The following GJA8 variants were observed in gnomAD, a reference collection of about 807,000 sequenced individuals.
GJA8 encodes the protein gap junction alpha-8 protein.
Under a neutral mutation model 15.3 loss-of-function variants are expected in GJA8, and 13 were observed. The ratio of observed to expected loss-of-function variants is 0.85; its 90% CI spans 0.55 to 1.35. The LOEUF is 1.35. GJA8 is among the 40% of genes most tolerant of loss of function. The pLI is 0.00. For synonymous variants in GJA8, 304 were observed against 238.7 expected (o/e 1.27, Z -2.52); for missense variants, 607 against 553.3 (o/e 1.10, Z -0.97).
At chr1:147,910,328 G>T (rs1031522592), downstream of GJA8, among the ~76,000 whole-genome samples, 2 of 151,706 alleles carry the variant, frequency 1.3e-5, no homozygotes, top group Non-Finnish European at 1.5e-5. Context: ...TATGGAATCG[G>T]TCTTATTATT....
At chr1:147,913,948 A>G (rs1265548715), downstream of GJA8, among the ~76,000 whole-genome samples, 2 of 152,236 alleles carry the variant, frequency 1.3e-5, no homozygotes, top group African/African-American at 4.8e-5. Context: ...TTATTGTATT[A>G]TAACTAAATA....
At chr1:147,905,972 T>C (rs1175126597) in intron 1 of GJA8, among the ~76,000 whole-genome samples, 1 of 152,238 alleles carries the variant, frequency 6.6e-6, no homozygotes, top group Admixed American at 6.5e-5. Flanking sequence ...GAGCACTCTC[T>C]GCTCTCCCAC....
At chr1:147,903,563 A>G (rs9437983) in intron 1 of GJA8, among the ~76,000 whole-genome samples, 45,598 of 152,096 alleles carry the variant, frequency 0.3, 7,076 homozygotes, top group Admixed American at 0.4. Flanking sequence ...GCTTAGATCT[A>G]GAAGACCAGG....
chr1:147,911,658 CAG>C (rs1264924679), downstream of GJA8, among the ~76,000 whole-genome samples: 1 of 152,202 alleles, frequency 6.6e-6, no homozygotes, highest in African/African-American at 2.4e-5. Flanking sequence ...GCCTGAGAAC[CAG>C]AGAGTGCATC....
chr1:147,902,903 C>A (rs72702364), intron 1 of GJA8, among the ~76,000 whole-genome samples, 42 bp downstream of exon 1: 43 of 152,292 alleles, frequency 2.8e-4, no homozygotes, highest in Middle Eastern at 3.4e-3. Context: ...ACCTTCCCCC[C>A]AATTGTTCTT....
chr1:147,908,257 G>C lies in GJA8; in HGVS notation c.302G>C (p.Arg101Pro), dbSNP rs781949456. 7 of 1,614,176 alleles carry C rather than the reference G, an allele frequency of 4.3e-6. No homozygotes were observed. The Admixed American group carries it at 1.0e-4, about 23-fold the overall frequency. ...GTGGGGCACGCGGTGCACTACGTCC[G>C]CATGGAGGAGAAGCGCAAAAGCCGC... ...MYVGHAVHYV[R>P]MEEKRKSREA... Residue 101 changes from arginine (R) to proline (P), a missense_variant, in exon 2 of 2, where the codon CGC becomes CCC. By Grantham distance (103) the Arg-to-Pro change is moderately radical. Transcript: ENST00000369235.
Position 147,908,975 on chromosome 1 carries a change from G to A in GJA8, c.1020G>A (p.Glu340=), listed in dbSNP as rs782157895. 4 of 1,600,282 alleles carry A rather than the reference G, an allele frequency of 2.5e-6. No homozygotes were observed. The highest frequency in any genetic ancestry group is 3.4e-6 in the Non-Finnish European group (4 of 1,172,184). The change falls in exon 2 of 2, where the codon GAG becomes GAA. Residue 340 remains glutamate, a synonymous_variant. Coordinates refer to ENST00000369235, the MANE Select transcript of GJA8 (RefSeq NM_005267.5). ...AGGGCGAGGGGCCGCCTGCAGAGGA[G>A]GGAGCCGAACCCGAGGTGGGAGAGA... is the stretch of plus-strand genomic sequence containing the variant. The part of the protein sequence containing the change: ...EVEGEGPPAE[E]GAEPEVGEKK...
Position 147,908,509 on chromosome 1 carries a change from G to T in GJA8, c.554G>T (p.Arg185Leu). ...FRILPLYRCS[R>L]WPCPNVVDCF... ...ATCCTGCCTCTGTACCGCTGCAGCC[G>T]GTGGCCCTGCCCCAATGTGGTGGAC... The change falls in exon 2 of 2, where the codon CGG (arginine) becomes CTG (leucine). Residue 185 changes from arginine to leucine, a missense_variant. Physicochemically the swap from Arg to Leu is moderately radical, Grantham distance 102 (BLOSUM62 -2). Transcript: ENST00000369235. The T allele has an allele frequency of 2.5e-6, 4 of 1,614,112 alleles. No individual in the cohort carries two copies. The highest frequency in any genetic ancestry group is 1.1e-5 in the South Asian group (1 of 91,078).
intron 1 of GJA8, among the ~76,000 whole-genome samples, chr1:147,907,040 C>T (rs782747996): frequency 6.6e-6 from 1 of 152,002 alleles, no homozygotes; most frequent in African/African-American, 2.4e-5. Flanking sequence ...CATGCACCAC[C>T]GAGCCCAGCT....
downstream of GJA8, among the ~76,000 whole-genome samples, chr1:147,911,220 A>G (rs1190319351): frequency 3.3e-5 from 5 of 152,208 alleles, no homozygotes; most frequent in Non-Finnish European, 5.9e-5. Flanking sequence ...CCCGATCAGC[A>G]TCATCTCAAA....
downstream of GJA8, among the ~76,000 whole-genome samples, chr1:147,911,102 G>A (rs1271924652): frequency 6.6e-6 from 1 of 152,116 alleles, no homozygotes; most frequent in Non-Finnish European, 1.5e-5. Flanking sequence ...CCAAAGATAG[G>A]GTAGGAGGTA....
Position 147,908,562 on chromosome 1 carries a change from A to G in GJA8, c.607A>G (p.Thr203Ala), listed in dbSNP as rs781874592. 4.3e-6 allele frequency: 7 copies of G among 1,613,990 alleles called. No individual in the cohort carries two copies. Among genetic ancestry groups the G allele is most frequent in the Non-Finnish European group, 5.1e-6 (6 of 1,179,996 alleles). Reference sequence around the variant, plus strand: ...CTTCGTGTCCCGGCCCACGGAGAAAACCATCTTCATCCTGTTCATGTTGTC... The same window carrying G: ...CTTCGTGTCCCGGCCCACGGAGAAAGCCATCTTCATCCTGTTCATGTTGTC... ...DCFVSRPTEK[T>A]IFILFMLSVA... The change falls in exon 2 of 2, where the codon ACC becomes GCC. Residue 203 changes from threonine (T) to alanine (A), a missense_variant. Thr to Ala is a moderately conservative substitution (Grantham distance 58, BLOSUM62 0). Transcript: ENST00000369235.
rs1403525718 is a variant in GJA8, at chr1:147,908,323, G to A, written c.368G>A (p.Gly123Asp). 1.9e-6 allele frequency: 3 copies of A among 1,614,064 alleles called. No individual in the cohort carries two copies. Among genetic ancestry groups the A allele is most frequent in the East Asian group, 2.2e-5 (1 of 44,894 alleles). ...GGCCAGCAGGCGGGGACTAACGGCG[G>A]CCCGGACCAGGGCAGCGTCAAGAAG... is the stretch of plus-strand genomic sequence containing the variant. ...ELGQQAGTNG[G>D]PDQGSVKKSS... Residue 123 changes from glycine (G) to aspartate (D), a missense_variant, in exon 2 of 2, where the codon GGC becomes GAC. Physicochemically the swap from Gly to Asp is moderately conservative, Grantham distance 94. Coordinates refer to ENST00000369235, the MANE Select transcript of GJA8 (RefSeq NM_005267.5).
the GJA8 span, among the ~76,000 whole-genome samples, chr1:147,914,440 C>T: frequency 3.3e-5 from 5 of 152,142 alleles, no homozygotes; most frequent in Admixed American, 6.5e-5. Context: ...AGCTAATAGT[C>T]GTGTGTTAGA....
At chr1:147,911,785 G>C (rs587625663), downstream of GJA8, among the ~76,000 whole-genome samples, 6 of 152,200 alleles carry the variant, frequency 3.9e-5, no homozygotes, top group East Asian at 3.9e-4. Context: ...ATCTCAACTA[G>C]AGCCTAATAC....
intron 1 of GJA8, among the ~76,000 whole-genome samples, chr1:147,903,097 G>T (rs1015033915): frequency 1.3e-5 from 2 of 152,190 alleles, no homozygotes; most frequent in African/African-American, 4.8e-5. Flanking sequence ...GCAGGATGGG[G>T]AAACAGAGAT....
At position 147,908,345 on chromosome 1, in the gene GJA8, G is replaced by T. The variant is rs1571176467; in HGVS notation, c.390G>T (p.Lys130Asn). 3.1e-6 allele frequency: 5 copies of T among 1,614,020 alleles called. No homozygotes were observed. The highest frequency in any genetic ancestry group is 4.2e-6 in the Non-Finnish European group (5 of 1,179,954). The change falls in exon 2 of 2, where the codon AAG (lysine) becomes AAT (asparagine). Residue 130 changes from lysine to asparagine, a missense_variant. Transcript: ENST00000369235. ...TNGGPDQGSV[K>N]KSSGSKGTKK... ...GCGGCCCGGACCAGGGCAGCGTCAA[G>T]AAGAGCAGCGGCAGCAAAGGCACTA...
chr1:147,908,081 G>T lies in GJA8; in HGVS notation c.126G>T (p.Glu42Asp), dbSNP rs1553242547. Residue 42 changes from glutamate (E) to aspartate (D), a missense_variant, in exon 2 of 2, where the codon GAG becomes GAT. Glu to Asp is a conservative substitution (Grantham distance 45, BLOSUM62 2). Transcript: ENST00000369235. The part of the protein sequence containing the change: ...FRILILGTAA[E>D]FVWGDEQSDF... ...TCCTCATCCTTGGCACGGCCGCAGA[G>T]TTCGTGTGGGGGGATGAGCAATCCG... 2 of 1,614,062 alleles carry T rather than the reference G, an allele frequency of 1.2e-6. No homozygotes were observed. The highest frequency in any genetic ancestry group is 1.7e-6 in the Non-Finnish European group (2 of 1,180,046).
chr1:147,904,224 C>A (rs782108181), intron 1 of GJA8, among the ~76,000 whole-genome samples: 1 of 152,126 alleles, frequency 6.6e-6, no homozygotes, highest in Non-Finnish European at 1.5e-5. Flanking sequence ...TGAGTCACCA[C>A]GCCCAGCCAA....
Sources: allele counts gnomAD v4.1 joint callset (sites outside exome capture counted in the v4.1 genomes callset), GRCh38; gene constraint gnomAD v4.1.1; transcripts MANE v1.5; gene names NCBI Gene and HGNC (gene_info 2026-07-23, HGNC 2026-07-21).